The following RSPO2 variants were observed in gnomAD, a reference collection of about 807,000 sequenced individuals.
The protein encoded by RSPO2 is R-spondin-2.
A neutral mutation model predicts 30.9 loss-of-function variants in RSPO2; 14 were observed. The ratio of observed to expected loss-of-function variants is 0.45; its 90% CI spans 0.30 to 0.71. The LOEUF is 0.71. RSPO2 is among the 30% of genes least tolerant of loss of function. The pLI is 0.08. For missense variants in RSPO2, 264 were observed against 301.9 expected (o/e 0.87, Z 0.93); for synonymous variants, 107 against 96.4 (o/e 1.11, Z -0.64).
At chr8:107,999,762 G>A (rs950973841) in intron 2 of RSPO2, among the ~76,000 whole-genome samples, 1 of 151,868 alleles carries the variant, frequency 6.6e-6, no homozygotes, top group African/African-American at 2.4e-5. Context: ...AATATTGGGG[G>A]AGAAAGTTAG....
chr8:108,055,042 G>A (rs1812200373), intron 2 of RSPO2, among the ~76,000 whole-genome samples: 2 of 152,284 alleles, frequency 1.3e-5, no homozygotes, highest in South Asian at 2.1e-4. Flanking sequence ...GATCGCTTGA[G>A]CCCAGGAGGT....
chr8:108,064,756 A>G (rs953427738), intron 2 of RSPO2, among the ~76,000 whole-genome samples: 3 of 152,224 alleles, frequency 2.0e-5, no homozygotes, highest in Non-Finnish European at 4.4e-5. Context: ...CACAATAGCA[A>G]ATACTTGGAA....
At chr8:107,969,170 A>G (rs1251475501) in intron 3 of RSPO2, among the ~76,000 whole-genome samples, 2 of 152,160 alleles carry the variant, frequency 1.3e-5, no homozygotes, top group Non-Finnish European at 2.9e-5. Context: ...TGACTTACCT[A>G]TATCATACAA....
At chr8:108,038,813 C>A (rs139985261) in intron 2 of RSPO2, among the ~76,000 whole-genome samples, 1 of 151,638 alleles carries the variant, frequency 6.6e-6, no homozygotes, top group Non-Finnish European at 1.5e-5. Flanking sequence ...TTGTTTATTT[C>A]GACATAAGGC....
In RSPO2 at chr8:107,941,925, T is replaced by C. The variant is rs147307013; in HGVS notation, c.616+16155A>G. Among the ~76,000 whole-genome samples, 1,179 of 152,304 alleles carry C rather than the reference T, an allele frequency of 7.7e-3. 17 individuals carry two copies. Among genetic ancestry groups the C allele is most frequent in the Non-Finnish European group, 0.011 (755 of 68,026 alleles). ...AGTCTCATGATTGTGCAGAAATCTA[T>C]ATAACTTTCTCCCATGACCACAGAA... On this transcript the variant is annotated intron_variant, in intron 5 of 5. Transcript: ENST00000276659.
At chr8:108,082,909 A>G (rs1813256220) in intron 1 of RSPO2, 102 bp from the exon 2 acceptor site, 1 of 458,254 alleles carries the variant, frequency 2.2e-6, no homozygotes, top group Non-Finnish European at 3.9e-6. Flanking sequence ...AGAGGGAAGG[A>G]GGAAGCGAAC....
chr8:108,051,134 A>C (rs543703969), intron 2 of RSPO2, among the ~76,000 whole-genome samples: 1 of 152,320 alleles, frequency 6.6e-6, no homozygotes, highest in Non-Finnish European at 1.5e-5. Flanking sequence ...AAAATTAATA[A>C]ATTTGGTGAA....
chr8:107,929,866 T>C (rs1812498333), intron 5 of RSPO2, among the ~76,000 whole-genome samples: 1 of 152,154 alleles, frequency 6.6e-6, no homozygotes, highest in Non-Finnish European at 1.5e-5. Flanking sequence ...TTTAAAGAAG[T>C]AACAGTATAA....
intron 5 of RSPO2, among the ~76,000 whole-genome samples, chr8:107,932,801 TGAGA>T (rs139973339): frequency 6.6e-5 from 10 of 150,756 alleles, no homozygotes; most frequent in Admixed American, 4.7e-4. Flanking sequence ...CTGTGCCAAA[TGAGA>T]GAGAGAGAGA....
intron 2 of RSPO2, among the ~76,000 whole-genome samples, chr8:108,025,708 AAG>A (rs1811196484): frequency 6.6e-6 from 1 of 151,840 alleles, no homozygotes; most frequent in Admixed American, 6.6e-5. Context: ...TTTTTAAAGA[AAG>A]AGGATCTTAC....
At chr8:107,947,973 T>A (rs1324452734) in intron 5 of RSPO2, among the ~76,000 whole-genome samples, 1 of 152,204 alleles carries the variant, frequency 6.6e-6, no homozygotes, top group African/African-American at 2.4e-5. Flanking sequence ...TAAAATGATC[T>A]CCCTTTTTAA....
At position 108,034,195 on chromosome 8, in the gene RSPO2, G is replaced by GT. The variant is rs34096899; in HGVS notation, c.95-44952dup. ...TAAGAAATCCCATGAGGTTCTGGGG[G>GT]TTTTTTTTCCCCTCCTTACTTGTTC... On this transcript the variant is annotated intron_variant, in intron 2 of 5. Transcript: ENST00000276659. Among the ~76,000 whole-genome samples the GT allele has an allele frequency of 4.6e-5, 7 of 151,954 alleles. No individual in the cohort carries two copies. The East Asian group carries it at 5.8e-4, about 13-fold the overall frequency.
chr8:107,904,789 C>T (rs995155874), intron 5 of RSPO2, among the ~76,000 whole-genome samples: 32 of 151,910 alleles, frequency 2.1e-4, no homozygotes, highest in African/African-American at 7.7e-4. Flanking sequence ...AAAGTTGTGG[C>T]CCTAGGATGA....
chr8:108,019,569 C>T (rs2130607907), intron 2 of RSPO2, among the ~76,000 whole-genome samples: 1 of 152,264 alleles, frequency 6.6e-6, no homozygotes, highest in Admixed American at 6.5e-5. Flanking sequence ...TGTTTACATG[C>T]TGCTTTTAAA....
intron 2 of RSPO2, among the ~76,000 whole-genome samples, chr8:108,054,535 AGG>A (rs1441551149): frequency 4.6e-5 from 7 of 152,284 alleles, no homozygotes; most frequent in African/African-American, 1.4e-4. Context: ...TAACTCCACG[AGG>A]GGTTGGGAAA....
chr8:107,965,970 G>A (rs1813789233), intron 3 of RSPO2, among the ~76,000 whole-genome samples: 1 of 152,162 alleles, frequency 6.6e-6, no homozygotes, highest in African/African-American at 2.4e-5. Flanking sequence ...AGGGAGACAA[G>A]AAGAAGCAGA....
At chr8:108,034,228 A>G (rs1411518403) in intron 2 of RSPO2, among the ~76,000 whole-genome samples, 2 of 152,134 alleles carry the variant, frequency 1.3e-5, no homozygotes, top group East Asian at 1.9e-4. Flanking sequence ...TTCTAATTAC[A>G]TAAGGAATAA....
chr8:108,060,302 T>C (rs932099726), intron 2 of RSPO2, among the ~76,000 whole-genome samples: 1 of 151,702 alleles, frequency 6.6e-6, no homozygotes, highest in South Asian at 2.1e-4. Context: ...ATTAGACGAA[T>C]GGAAAACTAG....
intron 2 of RSPO2, among the ~76,000 whole-genome samples, chr8:108,033,347 T>G (rs1811490257): frequency 6.6e-6 from 1 of 152,178 alleles, no homozygotes; most frequent in Admixed American, 6.5e-5. Flanking sequence ...ATGACCCCAG[T>G]CCAGCTGCTA....
Sources: gnomAD v4.1 joint callset for allele counts (sites outside exome capture counted in the v4.1 genomes callset) on GRCh38, gnomAD v4.1.1 for gene constraint, MANE v1.5 for transcripts, NCBI Gene and HGNC (gene_info 2026-07-23, HGNC 2026-07-21) for gene names.